Variants in HDX observed in about 807,000 individuals in gnomAD.
The protein encoded by HDX is highly divergent homeobox.
HDX carries 19 observed loss-of-function variants against 45.2 expected under a neutral mutation model. The ratio of observed to expected loss-of-function variants is 0.42; its 90% confidence interval spans 0.29 to 0.62. The LOEUF (loss-of-function observed/expected upper bound fraction) is 0.62. HDX is among the 20% of genes least tolerant of loss of function. The pLI, the probability that HDX is intolerant of heterozygous loss-of-function variation, is 0.20. For synonymous variants in HDX, 188 were observed against 172.8 expected, an observed-to-expected ratio of 1.09 and a Z score of -0.69; for missense variants, 532 against 493.9, an observed-to-expected ratio of 1.08 and a Z score of -0.73.
chrX:84,451,558 G>A (rs2039998753), intron 4 of HDX, among the ~76,000 whole-genome samples: 1 of 110,488 alleles, frequency 9.1e-6, no homozygotes, highest in Non-Finnish European at 1.9e-5. Flanking sequence ...GAAAAGAAAA[G>A]TCCAAGACTG....
intron 5 of HDX, among the ~76,000 whole-genome samples, chrX:84,363,411 A>G (rs2037668039): frequency 2.7e-5 from 3 of 112,258 alleles, no homozygotes; most frequent in South Asian, 7.3e-4. Flanking sequence ...AAGCTAACAT[A>G]CATAGCTATC....
chrX:84,484,927 A>G (rs1225343776), intron 2 of HDX, among the ~76,000 whole-genome samples: 1 of 110,927 alleles, frequency 9.0e-6, no homozygotes, highest in Non-Finnish European at 1.9e-5. Flanking sequence ...GTAATGTTAA[A>G]TTTAGTTCTA....
At chrX:84,379,506 CA>C (rs1320551569) in intron 5 of HDX, among the ~76,000 whole-genome samples, 1 of 110,611 alleles carries the variant, frequency 9.0e-6, no homozygotes, top group African/African-American at 3.3e-5. Context: ...TTAAAACATT[CA>C]AAAAAATGAA....
chrX:84,423,969 G>A (rs1188755683), intron 5 of HDX, among the ~76,000 whole-genome samples: 1 of 111,106 alleles, frequency 9.0e-6, no homozygotes, highest in Non-Finnish European at 1.9e-5. Flanking sequence ...GTCCTAGCTA[G>A]AGCAATCAGA....
At chrX:84,421,004 G>A (rs1351055732) in intron 5 of HDX, among the ~76,000 whole-genome samples, 1 of 112,179 alleles carries the variant, frequency 8.9e-6, no homozygotes, top group Non-Finnish European at 1.9e-5. Flanking sequence ...CACTGGACAT[G>A]TCCTAGAAGA....
chrX:84,411,213 A>C (rs2038979006), intron 5 of HDX, among the ~76,000 whole-genome samples: 1 of 110,625 alleles, frequency 9.0e-6, no homozygotes, highest in Non-Finnish European at 1.9e-5. Flanking sequence ...TTGGGGATTT[A>C]TTTGCTCTTG....
At chrX:84,357,920 C>T (rs1355327505) in intron 6 of HDX, among the ~76,000 whole-genome samples, 1 of 111,723 alleles carries the variant, frequency 9.0e-6, no homozygotes, top group Non-Finnish European at 1.9e-5. Context: ...ACAGCCTTTG[C>T]CCCTTATTCT....
At chrX:84,425,289 G>T (rs890053814) in intron 5 of HDX, among the ~76,000 whole-genome samples, 8 of 111,800 alleles carry the variant, frequency 7.2e-5, no homozygotes, top group African/African-American at 2.6e-4. Context: ...CAGTTAAAAT[G>T]GGTTATATCC....
intron 5 of HDX, among the ~76,000 whole-genome samples, chrX:84,431,872 T>A (rs1010872297): frequency 2.7e-5 from 3 of 111,582 alleles, no homozygotes; most frequent in Admixed American, 9.6e-5. Context: ...TTGGTTTTAT[T>A]ACTCTTGATT....
In HDX at chrX:84,376,672, A is replaced by G. The variant is rs1385186651; in HGVS notation, c.1306-15060T>C. 2.7e-5 allele frequency among the ~76,000 whole-genome samples: 3 copies of G among 112,278 alleles called. No individual in the cohort carries two copies. The East Asian group carries it at 8.4e-4, about 32-fold the overall frequency. ...AGGCTCTTTTGCCTTTGGCAAGGGT[A>G]GGGAAAAGTGGGAAGGACTGCATCT... On this transcript the variant is annotated intron_variant, in intron 5 of 10. Transcript: ENST00000373177.
At chrX:84,354,592 A>C (rs895108397) in intron 6 of HDX, among the ~76,000 whole-genome samples, 2 of 110,620 alleles carry the variant, frequency 1.8e-5, no homozygotes, top group African/African-American at 6.6e-5. Flanking sequence ...GCATATGTAC[A>C]GGTGATAAGC....
intron 5 of HDX, among the ~76,000 whole-genome samples, chrX:84,406,368 A>C (rs1487056960): frequency 9.2e-6 from 1 of 108,728 alleles, no homozygotes; most frequent in Non-Finnish European, 1.9e-5. Context: ...AATAGGATAA[A>C]GTGTGCCTTG....
intron 8 of HDX, 136 bp from the exon 9 acceptor site, chrX:84,333,978 C>A: frequency 2.7e-6 from 1 of 364,864 alleles, no homozygotes; most frequent in Admixed American, 5.3e-5. Flanking sequence ...AACTGACTGG[C>A]TCCTCAGTGT....
intron 4 of HDX, among the ~76,000 whole-genome samples, chrX:84,450,750 G>C (rs753283540): frequency 8.9e-6 from 1 of 112,010 alleles, no homozygotes; most frequent in African/African-American, 3.2e-5. Context: ...CACATTCTTC[G>C]CAACAGCATA....
At chrX:84,443,936 A>G (rs1297625995) in intron 4 of HDX, among the ~76,000 whole-genome samples, 1 of 111,878 alleles carries the variant, frequency 8.9e-6, no homozygotes, top group Non-Finnish European at 1.9e-5. Context: ...GGGTAGCAAG[A>G]ACTATTGCTT....
chrX:84,501,274 G>A (rs1037549873), intron 1 of HDX, among the ~76,000 whole-genome samples: 1 of 111,532 alleles, frequency 9.0e-6, no homozygotes, highest in African/African-American at 3.3e-5. Flanking sequence ...GAAGGGGTGC[G>A]GGAAAGGGCT....
chrX:84,423,922 T>C (rs2039327460), intron 5 of HDX, among the ~76,000 whole-genome samples: 1 of 111,034 alleles, frequency 9.0e-6, no homozygotes. Flanking sequence ...AACAAAGATA[T>C]CTAGTATCAC....
chrX:84,494,337 T>C (rs1452517875), intron 1 of HDX, among the ~76,000 whole-genome samples: 1 of 112,548 alleles, frequency 8.9e-6, no homozygotes, highest in Admixed American at 9.4e-5. Flanking sequence ...TATGTTTCAC[T>C]GGAGAGTGTT....
At chrX:84,394,259 G>A (rs2038508869) in intron 5 of HDX, among the ~76,000 whole-genome samples, 2 of 111,380 alleles carry the variant, frequency 1.8e-5, no homozygotes, top group Admixed American at 9.6e-5. Flanking sequence ...TGATCCAATA[G>A]TCCAAATTCA....
Sources: allele counts gnomAD v4.1 joint callset (sites outside exome capture counted in the v4.1 genomes callset), GRCh38; gene constraint gnomAD v4.1.1; transcripts MANE v1.5; gene names NCBI Gene and HGNC (gene_info 2026-07-23, HGNC 2026-07-21).